The following PDE1A variants were observed in gnomAD, a reference collection of about 807,000 sequenced individuals.
PDE1A encodes dual specificity calcium/calmodulin-dependent 3',5'-cyclic nucleotide phosphodiesterase 1A.
Under a neutral mutation model 61.7 loss-of-function variants are expected in PDE1A, and 35 were observed. The observed-to-expected ratio is 0.57, with a 90% CI of 0.43 to 0.75. PDE1A has a LOEUF of 0.75. Among genes scored for constraint, PDE1A ranks in the 30% least tolerant of loss-of-function variants. The pLI is 0.00. For missense variants in PDE1A, 597 were observed against 630.6 expected (o/e 0.95, Z 0.57); for synonymous variants, 232 against 213.2 (o/e 1.09, Z -0.77).
At chr2:182,302,699 T>G (rs1186869531) in intron 1 of PDE1A, among the ~76,000 whole-genome samples, 2 of 152,238 alleles carry the variant, frequency 1.3e-5, no homozygotes, top group African/African-American at 2.4e-5. Context: ...GATTTATCTG[T>G]AGCATGCAAC....
At chr2:182,665,404 C>G in the PDE1A span, among the ~76,000 whole-genome samples, 1 of 152,182 alleles carries the variant, frequency 6.6e-6, no homozygotes, top group Admixed American at 6.5e-5. Context: ...AAAAAGTGGA[C>G]AAAGGACATG....
intron 2 of PDE1A, among the ~76,000 whole-genome samples, chr2:182,446,359 C>T (rs112151359): frequency 0.011 from 1,628 of 152,084 alleles, 10 homozygotes; most frequent in East Asian, 0.024. Context: ...CTTATCTTAG[C>T]CATTGATATC....
At chr2:182,668,735 C>T in the PDE1A span, among the ~76,000 whole-genome samples, 1 of 152,180 alleles carries the variant, frequency 6.6e-6, no homozygotes, top group Non-Finnish European at 1.5e-5. Context: ...TCCTGCTGCC[C>T]CAACGCATAC....
At position 182,383,581 on chromosome 2, in the gene PDE1A, G is replaced by A. The variant is rs143843518; in HGVS notation, c.53+42997C>T. 2.0e-4 allele frequency among the ~76,000 whole-genome samples: 31 copies of A among 152,212 alleles called. No individual in the cohort carries two copies. The South Asian group carries it at 5.0e-3, about 24-fold the overall frequency. The stretch of plus-strand genomic sequence containing the variant: ...CTAGTTGGATGCAAGAAAATATGCC[G>A]ACTGGAGAGAGGTAGGCAGAGCAAG... On this transcript the variant is annotated intron_variant, in intron 1 of 13. Coordinates refer to ENST00000351439, the Ensembl canonical transcript of PDE1A.
At chr2:182,531,471 T>A in the PDE1A span, among the ~76,000 whole-genome samples, 2 of 151,382 alleles carry the variant, frequency 1.3e-5, no homozygotes, top group African/African-American at 2.4e-5. Context: ...CAAAAATTAT[T>A]AAAAGAAATA....
the PDE1A span, among the ~76,000 whole-genome samples, chr2:182,629,575 T>C: frequency 1.3e-5 from 2 of 152,314 alleles, no homozygotes; most frequent in Non-Finnish European, 2.9e-5. Context: ...CCATACCTCA[T>C]GGAAATCCCT....
At chr2:182,700,251 C>A in the PDE1A span, among the ~76,000 whole-genome samples, 1 of 152,162 alleles carries the variant, frequency 6.6e-6, no homozygotes, top group Non-Finnish European at 1.5e-5. Context: ...CAACACACAG[C>A]AAATTTGTTC....
chr2:182,363,716 G>A lies in PDE1A; in HGVS notation c.53+62862C>T, dbSNP rs189926872. 1.1e-3 allele frequency among the ~76,000 whole-genome samples: 175 copies of A among 152,184 alleles called. 9 individuals carry two copies. The South Asian group carries it at 0.034, about 29-fold the overall frequency. On this transcript the variant is annotated intron_variant, in intron 1 of 13. Transcript: ENST00000351439. ...TTTGAATTCTCCAATACCATTTTCTGCATCATGCAGTGCTGAGTACAGCAT... is the reference window on the plus strand; with the variant it reads ...TTTGAATTCTCCAATACCATTTTCTACATCATGCAGTGCTGAGTACAGCAT...
downstream of PDE1A, among the ~76,000 whole-genome samples, chr2:182,145,883 A>G (rs571718384): frequency 1.3e-5 from 2 of 152,228 alleles, no homozygotes; most frequent in Non-Finnish European, 2.9e-5. Flanking sequence ...ATATTGAGGA[A>G]GAAATTATTT....
chr2:182,558,566 G>C, the PDE1A span, among the ~76,000 whole-genome samples: 1 of 152,142 alleles, frequency 6.6e-6, no homozygotes, highest in African/African-American at 2.4e-5. Context: ...AAAGGTACAA[G>C]ATCATGTCAG....
chr2:182,658,624 A>G, the PDE1A span, among the ~76,000 whole-genome samples: 1 of 152,252 alleles, frequency 6.6e-6, no homozygotes, highest in African/African-American at 2.4e-5. Flanking sequence ...AACCCAAGTA[A>G]AGATGATTGA....
At chr2:182,212,335 C>T (rs1246124763) in intron 7 of PDE1A, among the ~76,000 whole-genome samples, 3 of 152,032 alleles carry the variant, frequency 2.0e-5, no homozygotes, top group Non-Finnish European at 4.4e-5. Context: ...TGTTACTTCA[C>T]AATTTACCAT....
chr2:182,198,666 A>G (rs1324830560), intron 10 of PDE1A, among the ~76,000 whole-genome samples: 2 of 151,740 alleles, frequency 1.3e-5, no homozygotes, highest in South Asian at 4.1e-4. Context: ...AACTGACTCA[A>G]GTTATGATAT....
At chr2:182,322,671 A>C (rs1696772135) in intron 1 of PDE1A, among the ~76,000 whole-genome samples, 1 of 152,216 alleles carries the variant, frequency 6.6e-6, no homozygotes, top group Admixed American at 6.5e-5. Flanking sequence ...ACAATTAAAA[A>C]GTTATGTGAT....
chr2:182,603,681 G>A, the PDE1A span, among the ~76,000 whole-genome samples: 1 of 152,176 alleles, frequency 6.6e-6, no homozygotes, highest in Non-Finnish European at 1.5e-5. Flanking sequence ...GACTGTGAGA[G>A]CAGCAAAATA....
chr2:182,649,159 A>G, the PDE1A span, among the ~76,000 whole-genome samples: 1 of 152,238 alleles, frequency 6.6e-6, no homozygotes, highest in African/African-American at 2.4e-5. Flanking sequence ...TTAGTTGAGA[A>G]GAAACTGGAT....
chr2:182,252,692 CCT>C (rs1413634281), intron 2 of PDE1A, among the ~76,000 whole-genome samples: 2 of 152,164 alleles, frequency 1.3e-5, no homozygotes, highest in Admixed American at 6.5e-5. Flanking sequence ...TTTCCAGGAT[CCT>C]GCAGCAGAAG....
chr2:182,453,061 A>G (rs764134260), intron 2 of PDE1A, among the ~76,000 whole-genome samples: 2 of 152,178 alleles, frequency 1.3e-5, no homozygotes, highest in Non-Finnish European at 2.9e-5. Flanking sequence ...ATTTCATTCA[A>G]CTAGGCATAT....
intron 2 of PDE1A, among the ~76,000 whole-genome samples, chr2:182,263,308 G>T (rs1003787490): frequency 1.3e-5 from 2 of 152,074 alleles, no homozygotes; most frequent in Non-Finnish European, 2.9e-5. Flanking sequence ...GGGACCATTT[G>T]TGGGTCCTTC....
Sources: gnomAD v4.1 joint callset for allele counts (sites outside exome capture counted in the v4.1 genomes callset) on GRCh38, gnomAD v4.1.1 for gene constraint, MANE v1.5 for transcripts, NCBI Gene and HGNC (gene_info 2026-07-23, HGNC 2026-07-21) for gene names.